Variants in BRAF observed in about 807,000 individuals in gnomAD.
BRAF encodes serine/threonine-protein kinase B-raf.
In BRAF, 16 loss-of-function variants were observed where a neutral mutation model predicts 104.6. The ratio of observed to expected loss-of-function variants is 0.15; its 90% CI spans 0.10 to 0.23. BRAF has a LOEUF of 0.23. BRAF is among the 10% of genes least tolerant of loss of function. The probability of loss-of-function intolerance (pLI) is 1.00; values close to 1 mark genes in which losing one functional copy is unlikely to be tolerated. For synonymous variants in BRAF, 310 were observed against 341.6 expected (o/e 0.91, Z 1.02); for missense variants, 541 against 937.3 (o/e 0.58, Z 5.52).
At chr7:140,818,896 C>T (rs528835915) in intron 3 of BRAF, among the ~76,000 whole-genome samples, 1 of 152,120 alleles carries the variant, frequency 6.6e-6, no homozygotes, top group Non-Finnish European at 1.5e-5. Flanking sequence ...ACCTATCTTA[C>T]GTAGTCTACC....
chr7:140,789,176 T>G (rs1801692851), intron 8 of BRAF, among the ~76,000 whole-genome samples: 1 of 151,452 alleles, frequency 6.6e-6, no homozygotes, highest in African/African-American at 2.4e-5. Flanking sequence ...ACCACTGCAC[T>G]CCAGCCTGGG....
chr7:140,858,815 A>T (rs1417966326), intron 1 of BRAF, among the ~76,000 whole-genome samples: 1 of 151,966 alleles, frequency 6.6e-6, no homozygotes, highest in Non-Finnish European at 1.5e-5. Context: ...TAGTGTTTAT[A>T]TAAGTGTTTA....
chr7:140,779,223 G>C (rs533235262), intron 12 of BRAF, among the ~76,000 whole-genome samples: 1 of 152,220 alleles, frequency 6.6e-6, no homozygotes, highest in East Asian at 1.9e-4. Context: ...TAGAGTGCTA[G>C]TAATGTTCTG....
intron 14 of BRAF, among the ~76,000 whole-genome samples, chr7:140,765,629 AG>A (rs1221716444): frequency 6.6e-6 from 1 of 152,156 alleles, no homozygotes; most frequent in Non-Finnish European, 1.5e-5. Flanking sequence ...CCTATCAAAA[AG>A]TGGGCAAAGG....
chr7:140,771,526 T>C (rs757190489), intron 14 of BRAF, among the ~76,000 whole-genome samples: 77 of 152,188 alleles, frequency 5.1e-4, no homozygotes, highest in Admixed American at 1.3e-4. Context: ...TTTTATCTTA[T>C]GAGTTAACTG....
At chr7:140,777,932 A>G in intron 13 of BRAF, 59 bp downstream of exon 12, 2 of 1,496,474 alleles carry the variant, frequency 1.3e-6, no homozygotes, top group Non-Finnish European at 1.9e-6. Context: ...ACCACTGGGA[A>G]CCAGGAGCTA....
intron 1 of BRAF, among the ~76,000 whole-genome samples, chr7:140,879,882 C>T (rs1028067911): frequency 2.0e-5 from 3 of 152,036 alleles, no homozygotes; most frequent in Non-Finnish European, 4.4e-5. Flanking sequence ...CAGGTGCGTG[C>T]CACCACGACT....
chr7:140,819,420 T>C (rs1805234283), intron 3 of BRAF, among the ~76,000 whole-genome samples: 1 of 152,170 alleles, frequency 6.6e-6, no homozygotes, highest in African/African-American at 2.4e-5. Flanking sequence ...AGAACCCTCA[T>C]GCTCAAGGGA....
chr7:140,869,901 T>C (rs1208590068), intron 1 of BRAF, among the ~76,000 whole-genome samples: 2 of 152,172 alleles, frequency 1.3e-5, no homozygotes, highest in Non-Finnish European at 2.9e-5. Flanking sequence ...GAGAAAGTCA[T>C]GACTTTTAAC....
chr7:140,909,785 C>A (rs1417188647), intron 1 of BRAF, among the ~76,000 whole-genome samples: 1 of 151,544 alleles, frequency 6.6e-6, no homozygotes, highest in Non-Finnish European at 1.5e-5. Flanking sequence ...TCAGCCTGGG[C>A]AACAAGAGCG....
rs547223783 is a variant in BRAF at position 140,830,563 on chromosome 7, A to G, written c.504+4046T>C. 1.1e-4 allele frequency among the ~76,000 whole-genome samples: 16 copies of G among 152,300 alleles called. No individual in the cohort carries two copies. The South Asian group carries it at 1.5e-3, about 14-fold the overall frequency. On this transcript the variant is annotated intron_variant, in intron 3 of 19. Coordinates refer to ENST00000644969, the MANE Select transcript of BRAF (RefSeq NM_001374258.1). Reference sequence around the variant, plus strand: ...TGGTAGGAGCATCTTTTGTTCCAACAAGGTGAGTTTTGGTGGGTTCCTGAA... The same window carrying G: ...TGGTAGGAGCATCTTTTGTTCCAACGAGGTGAGTTTTGGTGGGTTCCTGAA...
At chr7:140,755,260 G>T (rs1798111218) in intron 14 of BRAF, among the ~76,000 whole-genome samples, 1 of 152,146 alleles carries the variant, frequency 6.6e-6, no homozygotes, top group African/African-American at 2.4e-5. Context: ...GCTAGTCAAG[G>T]TTATTTTTCT....
chr7:140,856,254 G>A (rs1288895124), intron 1 of BRAF, among the ~76,000 whole-genome samples: 2 of 151,840 alleles, frequency 1.3e-5, no homozygotes, highest in African/African-American at 4.8e-5. Flanking sequence ...GAAAGGTGGG[G>A]TTGGGGGAGG....
intron 5 of BRAF, among the ~76,000 whole-genome samples, chr7:140,802,187 C>T (rs1803192010): frequency 6.6e-6 from 1 of 151,950 alleles, no homozygotes; most frequent in South Asian, 2.1e-4. Context: ...CTTCATACCA[C>T]AGTGGTCCCA....
At chr7:140,850,354 CTCTTT>C (rs1022231930) in intron 1 of BRAF, 142 bp from the exon 2 acceptor site, 11 of 608,300 alleles carry the variant, frequency 1.8e-5, no homozygotes, top group Admixed American at 6.4e-5. Flanking sequence ...AGTGGTTTTT[CTCTTT>C]TATTATGAAA....
At chr7:140,918,129 A>C (rs73736258) in intron 1 of BRAF, among the ~76,000 whole-genome samples, 12,275 of 152,222 alleles carry the variant, frequency 0.081, 1,561 homozygotes, top group African/African-American at 0.27. Flanking sequence ...GTAGCTCTAA[A>C]ATTTTTACAG....
intron 5 of BRAF, among the ~76,000 whole-genome samples, chr7:140,805,504 T>C (rs1372123834): frequency 6.6e-6 from 1 of 152,048 alleles, no homozygotes; most frequent in Non-Finnish European, 1.5e-5. Context: ...CCTTTGTCAA[T>C]AAAGATGAGC....
chr7:140,832,942 C>T (rs1462026199), intron 3 of BRAF, among the ~76,000 whole-genome samples: 3 of 150,020 alleles, frequency 2.0e-5, no homozygotes, highest in Non-Finnish European at 3.0e-5. Context: ...GGCGCGATCT[C>T]GGCTCACTGC....
chr7:140,719,272 A>G (rs1478530546), downstream of BRAF: 2 of 771,766 alleles, frequency 2.6e-6, no homozygotes, highest in Non-Finnish European at 3.2e-6. Context: ...AAAACTGTTA[A>G]AACTGCTGAC....
Sources: allele counts gnomAD v4.1 joint callset (sites outside exome capture counted in the v4.1 genomes callset), GRCh38; gene constraint gnomAD v4.1.1; transcripts MANE v1.5; gene names NCBI Gene and HGNC (gene_info 2026-07-23, HGNC 2026-07-21).